The following PPIL6 variants were observed in gnomAD, a reference collection of about 807,000 sequenced individuals.
The protein encoded by PPIL6 is probable inactive peptidyl-prolyl cis-trans isomerase-like 6.
PPIL6 carries 39 observed loss-of-function variants against 36.8 expected under a neutral mutation model. The observed-to-expected ratio is 1.06, with a 90% CI of 0.82 to 1.38. The LOEUF (loss-of-function observed/expected upper bound fraction) is 1.38, where lower values mean the gene tolerates loss of function less well. Among genes scored for constraint, PPIL6 ranks in the 40% most tolerant of loss-of-function variants. PPIL6 has a pLI of 0.00. For synonymous variants in PPIL6, 123 were observed against 134.1 expected (o/e 0.92, Z 0.57); for missense variants, 368 against 379.1 (o/e 0.97, Z 0.24).
intron 3 of PPIL6, among the ~76,000 whole-genome samples, chr6:109,428,573 C>T (rs1367061462): frequency 6.7e-6 from 1 of 148,618 alleles, no homozygotes; most frequent in African/African-American, 2.5e-5. Context: ...AAAAAAAAAC[C>T]ACCTTATTGA....
At chr6:109,407,666 T>C (rs1460261522) in intron 6 of PPIL6, among the ~76,000 whole-genome samples, 1 of 152,194 alleles carries the variant, frequency 6.6e-6, no homozygotes, top group African/African-American at 2.4e-5. Flanking sequence ...AATGACTTTA[T>C]CCCACATTAC....
Position 109,417,770 on chromosome 6 carries a change from T to C in PPIL6, c.688+1417A>G, listed in dbSNP as rs375206436. ...CCATTGCGACCTTATGCAGGAAATA[T>C]TAATACTTCTGCAGGGACACCTGTC... On this transcript the variant is annotated intron_variant, in intron 6 of 7. Transcript: ENST00000521072. Among the ~76,000 whole-genome samples, 11 of 152,160 alleles carry C rather than the reference T, an allele frequency of 7.2e-5. No homozygotes were observed. The East Asian group carries it at 1.2e-3, about 16-fold the overall frequency.
At chr6:109,434,557 T>C (rs1402721713) in intron 2 of PPIL6, among the ~76,000 whole-genome samples, 1 of 152,184 alleles carries the variant, frequency 6.6e-6, no homozygotes, top group Non-Finnish European at 1.5e-5. Context: ...GCTTAACAAA[T>C]GGTATTCTTA....
intron 7 of PPIL6, among the ~76,000 whole-genome samples, chr6:109,395,406 C>CAA (rs1210744047): frequency 2.3e-5 from 3 of 128,994 alleles, no homozygotes; most frequent in Non-Finnish European, 3.3e-5. Context: ...GACCCTGTCT[C>CAA]AAAAAAAAAA....
intron 1 of PPIL6, among the ~76,000 whole-genome samples, chr6:109,438,366 C>T (rs1004456283): frequency 6.6e-6 from 1 of 151,318 alleles, no homozygotes; most frequent in African/African-American, 2.4e-5. Flanking sequence ...TGCTTGAGCC[C>T]AGGAGTTCAA....
intron 1 of PPIL6, among the ~76,000 whole-genome samples, chr6:109,439,931 G>A (rs961124379): frequency 3.3e-5 from 5 of 152,170 alleles, no homozygotes; most frequent in African/African-American, 1.2e-4. Flanking sequence ...ACAAAGAAAT[G>A]ATTTTCCAAA....
intron 7 of PPIL6, among the ~76,000 whole-genome samples, chr6:109,397,792 T>C (rs1322073770): frequency 6.6e-6 from 1 of 152,070 alleles, no homozygotes. Context: ...CACCAGGAAG[T>C]TGGTAGAGGA....
At chr6:109,394,852 A>G (rs905948244) in intron 7 of PPIL6, among the ~76,000 whole-genome samples, 1 of 152,190 alleles carries the variant, frequency 6.6e-6, no homozygotes, top group Admixed American at 6.5e-5. Context: ...CAGTCTACAA[A>G]TTGTTTCCAA....
rs1442609777 is a variant in PPIL6 at position 109,426,848 on chromosome 6, C to G, written c.630G>C (p.Gly210=). Residue 210 remains glycine (G), a splice_region_variant and synonymous_variant, in exon 5 of 8, where the codon GGG becomes GGC. Coordinates refer to ENST00000521072, the MANE Select transcript of PPIL6 (RefSeq NM_173672.5). ...RIVQNGWIQG[G]DIVYGKGDNG... is the part of the protein sequence containing the mutation. ...TCGTATTTAAGATTTTAAACTTACC[C>G]CCTCCTTGTATCCAGCCATTCTGTA... 1.3e-6 allele frequency: 2 copies of G among 1,512,006 alleles called. No individual in the cohort carries two copies. The highest frequency in any genetic ancestry group is 1.4e-5 in the African/African-American group (1 of 72,846). 93.7% of individuals were successfully genotyped at this position (1,512,006 alleles called of 1,614,324 possible). A position where few individuals can be genotyped will look rare whatever the true frequency, so the allele number is the denominator to read the frequency against.
chr6:109,414,107 A>G (rs1773133495), intron 6 of PPIL6, among the ~76,000 whole-genome samples: 2 of 152,236 alleles, frequency 1.3e-5, no homozygotes, highest in Admixed American at 1.3e-4. Flanking sequence ...ATAAAAGTGT[A>G]TAATTGGATT....
At chr6:109,396,347 CT>C (rs1445804257) in intron 7 of PPIL6, among the ~76,000 whole-genome samples, 1 of 152,202 alleles carries the variant, frequency 6.6e-6, no homozygotes, top group Non-Finnish European at 1.5e-5. Context: ...CCCCCATCAC[CT>C]TTGCGTGAGG....
At chr6:109,419,600 G>A (rs1004368060) in intron 5 of PPIL6, among the ~76,000 whole-genome samples, 4 of 152,012 alleles carry the variant, frequency 2.6e-5, no homozygotes, top group African/African-American at 9.7e-5. Flanking sequence ...GCATGTGCCT[G>A]TAATCCCAGC....
At chr6:109,440,684 CA>C, upstream of PPIL6, 1 of 990,168 alleles carries the variant, frequency 1.0e-6, no homozygotes, top group Non-Finnish European at 1.2e-6. Context: ...AGGCGGGGCC[CA>C]GGGGCGGGTC....
chr6:109,421,007 G>C (rs1381322678), intron 5 of PPIL6, among the ~76,000 whole-genome samples: 3 of 152,184 alleles, frequency 2.0e-5, no homozygotes, highest in African/African-American at 4.8e-5. Context: ...GCTGAATCTG[G>C]AAATGGGGAA....
chr6:109,431,869 T>C (rs1774174261), intron 2 of PPIL6, among the ~76,000 whole-genome samples: 1 of 152,240 alleles, frequency 6.6e-6, no homozygotes, highest in South Asian at 2.1e-4. Flanking sequence ...TGATTCATTC[T>C]TTTTTCTTTA....
chr6:109,434,289 C>A (rs147689253), intron 2 of PPIL6, among the ~76,000 whole-genome samples: 2 of 152,228 alleles, frequency 1.3e-5, no homozygotes, highest in East Asian at 3.9e-4. Context: ...GGCACAGTGG[C>A]TCACACCTGT....
intron 6 of PPIL6, among the ~76,000 whole-genome samples, chr6:109,414,100 A>G (rs748904986): frequency 6.6e-6 from 1 of 152,188 alleles, no homozygotes; most frequent in Non-Finnish European, 1.5e-5. Context: ...TTTTAAAATA[A>G]AAGTGTATAA....
In PPIL6 at chr6:109,397,748, T is replaced by G. The variant is rs191360674; in HGVS notation, c.824+2287A>C. Among the ~76,000 whole-genome samples, 176 of 152,230 alleles carry G rather than the reference T, an allele frequency of 1.2e-3. 2 individuals are homozygous for G. Among genetic ancestry groups the G allele is most frequent in the Middle Eastern group, 3.4e-3 (1 of 294 alleles). ...GTTTTAAAGTAGTCATGTTTGTGTT[T>G]GAGAAAGGTACCTTTAGCTGAGATA... On this transcript the variant is annotated intron_variant, in intron 7 of 7. Transcript: ENST00000521072.
Position 109,437,586 on chromosome 6 carries a change from G to A in PPIL6, c.136-1387C>T, listed in dbSNP as rs1289564721. Among the ~76,000 whole-genome samples, 7 of 123,564 alleles carry A rather than the reference G, an allele frequency of 5.7e-5. No individual in the cohort carries two copies. In the East Asian group the frequency reaches 1.4e-3, roughly 25 times the overall value. 81.1% of individuals were successfully genotyped at this position (123,564 alleles called of 152,430 possible). The stretch of plus-strand genomic sequence containing the variant: ...TTTTTTTTTTTTGAGACGGAGTCTC[G>A]CTCTGTTGCCCAGGATGGAGTGCAG... On this transcript the variant is annotated intron_variant, in intron 1 of 7. Coordinates refer to ENST00000521072, the MANE Select transcript of PPIL6 (RefSeq NM_173672.5).
Sources: gnomAD v4.1 joint callset for allele counts (sites outside exome capture counted in the v4.1 genomes callset) on GRCh38, gnomAD v4.1.1 for gene constraint, MANE v1.5 for transcripts, NCBI Gene and HGNC (gene_info 2026-07-23, HGNC 2026-07-21) for gene names.